ZDHHC3: variants seen among roughly 807,000 people sequenced by gnomAD.
The protein encoded by ZDHHC3 is zDHHC palmitoyltransferase 3.
In ZDHHC3, 9 loss-of-function variants were observed where a neutral mutation model predicts 30.6. The ratio of observed to expected loss-of-function variants is 0.29; its 90% CI spans 0.18 to 0.51. ZDHHC3 has a LOEUF of 0.51. Among genes scored for constraint, ZDHHC3 ranks in the 20% least tolerant of loss-of-function variants. The pLI, the probability that ZDHHC3 is intolerant of heterozygous loss-of-function variation, is 0.97. For missense variants in ZDHHC3, 246 were observed against 384.2 expected, an observed-to-expected ratio of 0.64 and a Z score of 3.01; for synonymous variants, 136 against 140.2, an observed-to-expected ratio of 0.97 and a Z score of 0.21.
At chr3:44,963,245 C>A (rs1346761887) in intron 1 of ZDHHC3, among the ~76,000 whole-genome samples, 1 of 152,168 alleles carries the variant, frequency 6.6e-6, no homozygotes, top group African/African-American at 2.4e-5. Flanking sequence ...TTTCCCATGA[C>A]CCTCACTGGT....
chr3:44,971,038 T>C (rs949097058), intron 1 of ZDHHC3, among the ~76,000 whole-genome samples: 27 of 152,238 alleles, frequency 1.8e-4, no homozygotes, highest in African/African-American at 6.5e-4. Flanking sequence ...CATAGATTGT[T>C]ATCTTCCTAA....
At position 44,924,664 on chromosome 3, in the gene ZDHHC3, T is replaced by TG. The variant is rs1161937175; in HGVS notation, c.*2024dup. 1.0e-6 allele frequency: 1 copy of TG among 985,354 alleles called. No homozygotes were observed. Among genetic ancestry groups the TG allele is most frequent in the Non-Finnish European group, 1.2e-6 (1 of 829,946 alleles). 61.0% of individuals were successfully genotyped at this position (985,354 alleles called of 1,614,324 possible). On this transcript the variant is annotated 3_prime_UTR_variant, in exon 7 of 7. Transcript: ENST00000424952. ...TCACTTTAAAAAATGCCCTGGAAGA[T>TG]GGAGTATTACCAATCTCTTCCCCCT...
intron 1 of ZDHHC3, among the ~76,000 whole-genome samples, chr3:44,963,366 C>T (rs1219215755): frequency 6.6e-6 from 1 of 152,134 alleles, no homozygotes; most frequent in Non-Finnish European, 1.5e-5. Context: ...TTCAAAATAT[C>T]CCCATCAAAA....
At chr3:44,953,817 A>G (rs767461625) in intron 2 of ZDHHC3, among the ~76,000 whole-genome samples, 1 of 152,222 alleles carries the variant, frequency 6.6e-6, no homozygotes, top group Non-Finnish European at 1.5e-5. Context: ...ATGCAGCACG[A>G]TACTCCAATG....
intron 1 of ZDHHC3, among the ~76,000 whole-genome samples, chr3:44,969,003 G>A (rs979062101): frequency 6.6e-5 from 10 of 152,180 alleles, no homozygotes; most frequent in African/African-American, 2.4e-4. Flanking sequence ...TAATTGCTAC[G>A]CTGCCATCTC....
At chr3:44,972,702 A>G (rs1705503742) in intron 1 of ZDHHC3, among the ~76,000 whole-genome samples, 1 of 152,186 alleles carries the variant, frequency 6.6e-6, no homozygotes, top group Non-Finnish European at 1.5e-5. Context: ...CCACGTCTCA[A>G]TTGAGCACTT....
Position 44,922,828 on chromosome 3 carries a change from CAACCTCAAG to C in ZDHHC3, c.*3852_*3860del, listed in dbSNP as rs1700698287. On this transcript the variant is annotated 3_prime_UTR_variant, in exon 7 of 7. Transcript: ENST00000424952. Reference sequence around the variant, plus strand: ...GCTGATGTTGACGTTGCTGGTCTGGCAACCTCAAGAACACCTTTGAGGAGGATTCTAGCA... The same window carrying C: ...GCTGATGTTGACGTTGCTGGTCTGGCAACACCTTTGAGGAGGATTCTAGCA... The C allele has an allele frequency of 1.0e-6, 1 of 985,232 alleles. No individual in the cohort carries two copies. The highest frequency in any genetic ancestry group is 6.2e-5 in the Admixed American group (1 of 16,258). The allele number at this position is 985,232 out of a possible 1,614,324, so 61.0% of individuals were successfully genotyped here. A position where few individuals can be genotyped will look rare whatever the true frequency, so the allele number is the denominator to read the frequency against.
At chr3:44,943,843 TTG>T (rs1215063103) in intron 3 of ZDHHC3, among the ~76,000 whole-genome samples, 2 of 151,934 alleles carry the variant, frequency 1.3e-5, no homozygotes, top group Non-Finnish European at 2.9e-5. Context: ...GTGTCTCCCT[TTG>T]TGTGTGGTGG....
In ZDHHC3 at chr3:44,975,766, TCTCTCTCACACACACACACA is replaced by T. The variant is rs1216764152; in HGVS notation, c.-25+147_-25+166del. On this transcript the variant is annotated intron_variant, in intron 1 of 6. Coordinates refer to ENST00000424952, the MANE Select transcript of ZDHHC3 (RefSeq NM_001135179.2). ...GTCGGGGTCTCTCTCTCTCTCTCTCTCTCTCTCACACACACACACACACACACACACACACACACGCTCCT... is the reference window on the plus strand; with the variant it reads ...GTCGGGGTCTCTCTCTCTCTCTCTCTCACACACACACACACACACGCTCCT... Among the ~76,000 whole-genome samples the T allele has an allele frequency of 1.5e-3, 213 of 144,430 alleles. 1 individual carries two copies. The highest frequency in any genetic ancestry group is 5.4e-3 in the African/African-American group (197 of 36,180). 94.8% of individuals were successfully genotyped at this position (144,430 alleles called of 152,430 possible).
chr3:44,929,075 G>T (rs1701256726), intron 6 of ZDHHC3, among the ~76,000 whole-genome samples: 1 of 152,206 alleles, frequency 6.6e-6, no homozygotes, highest in Non-Finnish European at 1.5e-5. Flanking sequence ...TTTCAGCCAC[G>T]GCTGCTGGGC....
chr3:44,932,795 C>G, intron 5 of ZDHHC3: 1 of 948,068 alleles, frequency 1.1e-6, no homozygotes, highest in Non-Finnish European at 1.7e-6. Context: ...CAAAACTTCT[C>G]TCCCAGCATG....
chr3:44,932,779 A>G, intron 5 of ZDHHC3: 1 of 813,940 alleles, frequency 1.2e-6, no homozygotes, highest in Middle Eastern at 2.4e-4. Flanking sequence ...ATGGAAAGAC[A>G]GAAAACAAAA....
intron 2 of ZDHHC3, among the ~76,000 whole-genome samples, chr3:44,945,653 G>C (rs1702859619): frequency 6.6e-6 from 1 of 152,020 alleles, no homozygotes; most frequent in Non-Finnish European, 1.5e-5. Flanking sequence ...TGCCTCCTGG[G>C]TTCAAGCGAT....
At chr3:44,950,567 C>T (rs2125884129) in intron 2 of ZDHHC3, among the ~76,000 whole-genome samples, 1 of 152,308 alleles carries the variant, frequency 6.6e-6, no homozygotes, top group South Asian at 2.1e-4. Flanking sequence ...TCCCAAAAGG[C>T]CCATCTCCAT....
At chr3:44,939,396 A>T (rs1702249322) in intron 3 of ZDHHC3, among the ~76,000 whole-genome samples, 1 of 152,150 alleles carries the variant, frequency 6.6e-6, no homozygotes, top group Non-Finnish European at 1.5e-5. Context: ...CAGAGTGAGT[A>T]CTCCCTGCAT....
intron 3 of ZDHHC3, among the ~76,000 whole-genome samples, chr3:44,941,235 C>T (rs1044105016): frequency 2.0e-5 from 3 of 152,112 alleles, no homozygotes; most frequent in African/African-American, 4.8e-5. Context: ...TCATTTTACC[C>T]CTCACTGGCT....
chr3:44,918,614 G>A lies in ZDHHC3; in HGVS notation c.*8075C>T. The stretch of plus-strand genomic sequence containing the variant: ...CACAGCAGAAGGACGATGGGGTTAA[G>A]GAAGGAGTGCAGGACACAAACAGCA... On this transcript the variant is annotated 3_prime_UTR_variant, in exon 7 of 7. Transcript: ENST00000424952. 1 of 985,466 alleles carries A rather than the reference G, an allele frequency of 1.0e-6. No individual in the cohort carries two copies. The allele number at this position is 985,466 out of a possible 1,614,324, so 61.0% of individuals were successfully genotyped here.
chr3:44,970,689 T>C (rs906522459), intron 1 of ZDHHC3, among the ~76,000 whole-genome samples: 1 of 152,216 alleles, frequency 6.6e-6, no homozygotes, highest in Non-Finnish European at 1.5e-5. Flanking sequence ...CTCTTAGCAA[T>C]TTCCTGAGCA....
intron 3 of ZDHHC3, 31 bp downstream of exon 3, chr3:44,945,137 G>T: frequency 6.2e-7 from 1 of 1,613,076 alleles, no homozygotes; most frequent in African/African-American, 1.3e-5. Context: ...GACAGTGGGA[G>T]AAGAGAGGAG....
Sources: allele counts gnomAD v4.1 joint callset (sites outside exome capture counted in the v4.1 genomes callset), GRCh38; gene constraint gnomAD v4.1.1; transcripts MANE v1.5; gene names NCBI Gene and HGNC (gene_info 2026-07-23, HGNC 2026-07-21).